Variants in TCAIM observed in about 807,000 individuals in gnomAD.
The protein encoded by TCAIM is T-cell activation inhibitor, mitochondrial.
In TCAIM, 36 loss-of-function variants were observed where a neutral mutation model predicts 58.6. The ratio of observed to expected loss-of-function variants is 0.61; its 90% CI spans 0.47 to 0.81. The LOEUF (loss-of-function observed/expected upper bound fraction) is 0.81, where lower values mean the gene tolerates loss of function less well. Among genes scored for constraint, TCAIM ranks in the 30% least tolerant of loss-of-function variants. TCAIM has a pLI of 0.00. For synonymous variants in TCAIM, 172 were observed against 193.6 expected (o/e 0.89, Z 0.93); for missense variants, 466 against 579.6 (o/e 0.80, Z 2.01).
intron 4 of TCAIM, among the ~76,000 whole-genome samples, chr3:44,361,926 A>G (rs1287307587): frequency 6.6e-6 from 1 of 152,208 alleles, no homozygotes; most frequent in Admixed American, 6.5e-5. Flanking sequence ...GAGAAAGAAT[A>G]TGAGTCTTGA....
At chr3:44,366,627 ATT>A (rs11310203) in intron 4 of TCAIM, among the ~76,000 whole-genome samples, 35 of 148,408 alleles carry the variant, frequency 2.4e-4, no homozygotes, top group Admixed American at 2.7e-4. Context: ...CGCCCGGCTA[ATT>A]TTTTTTTTTT....
At chr3:44,385,003 C>G (rs977089242) in intron 5 of TCAIM, among the ~76,000 whole-genome samples, 1 of 152,160 alleles carries the variant, frequency 6.6e-6, no homozygotes, top group Non-Finnish European at 1.5e-5. Context: ...TGTGGAGAAA[C>G]AAGTCAGCCA....
intron 4 of TCAIM, chr3:44,363,049 A>C (rs1311196156): frequency 6.6e-6 from 1 of 152,158 alleles, no homozygotes; most frequent in Non-Finnish European, 1.5e-5. Context: ...ATCTGTTTTT[A>C]TTTGTATGTG....
At chr3:44,400,749 C>G (rs1280736286) in intron 9 of TCAIM, 162 bp downstream of exon 9, 1 of 644,294 alleles carries the variant, frequency 1.6e-6, no homozygotes, top group African/African-American at 1.8e-5. Flanking sequence ...ACTAGAAAAG[C>G]CAGCATGGGA....
intron 4 of TCAIM, among the ~76,000 whole-genome samples, chr3:44,364,848 AC>A (rs1314137640): frequency 6.6e-6 from 1 of 151,980 alleles, no homozygotes; most frequent in Non-Finnish European, 1.5e-5. Context: ...TGCTGGTAAT[AC>A]CCATAAATGG....
At chr3:44,344,500 A>C (rs1700924351) in intron 1 of TCAIM, among the ~76,000 whole-genome samples, 1 of 152,170 alleles carries the variant, frequency 6.6e-6, no homozygotes, top group African/African-American at 2.4e-5. Flanking sequence ...CAACATCAAG[A>C]TGTCTGCAGA....
At chr3:44,368,142 A>G (rs1701411173) in intron 5 of TCAIM, among the ~76,000 whole-genome samples, 2 of 152,232 alleles carry the variant, frequency 1.3e-5, no homozygotes, top group African/African-American at 4.8e-5. Flanking sequence ...ATCCATACAT[A>G]AGAAAAATAC....
chr3:44,344,539 T>A, intron 1 of TCAIM, among the ~76,000 whole-genome samples: 1 of 152,040 alleles, frequency 6.6e-6, no homozygotes, highest in Admixed American at 6.5e-5. Flanking sequence ...CTTCACATGG[T>A]AGGGGGCAAG....
intron 1 of TCAIM, among the ~76,000 whole-genome samples, chr3:44,347,511 T>A (rs1052791302): frequency 6.6e-6 from 1 of 152,058 alleles, no homozygotes; most frequent in Admixed American, 6.5e-5. Flanking sequence ...AAGCATGTTT[T>A]GAGATCCAGA....
chr3:44,345,760 TG>T (rs1396049772), intron 1 of TCAIM, among the ~76,000 whole-genome samples: 1 of 152,100 alleles, frequency 6.6e-6, no homozygotes, highest in Non-Finnish European at 1.5e-5. Flanking sequence ...GTGAAAGTAT[TG>T]GAGTGTACCC....
chr3:44,393,983 G>C (rs1375443263), intron 6 of TCAIM, among the ~76,000 whole-genome samples: 1 of 152,304 alleles, frequency 6.6e-6, no homozygotes, highest in East Asian at 1.9e-4. Context: ...AAAGGAGTCA[G>C]GTCATTCAGT....
chr3:44,407,087 T>C (rs771902005), intron 10 of TCAIM, among the ~76,000 whole-genome samples: 3 of 152,218 alleles, frequency 2.0e-5, no homozygotes, highest in Non-Finnish European at 4.4e-5. Context: ...TTTAGGTGGG[T>C]CCTAAAACTA....
chr3:44,358,380 A>G (rs907896085), intron 3 of TCAIM: 1 of 655,802 alleles, frequency 1.5e-6, no homozygotes, highest in Non-Finnish European at 2.6e-6. Flanking sequence ...ATATTTTAAC[A>G]TTAGAAAATA....
chr3:44,379,293 C>T (rs934693396), intron 5 of TCAIM, among the ~76,000 whole-genome samples: 1 of 152,052 alleles, frequency 6.6e-6, no homozygotes, highest in African/African-American at 2.4e-5. Flanking sequence ...TTAGTTAAAC[C>T]ATCGTGGAAA....
At chr3:44,362,426 A>G (rs1701308009) in intron 4 of TCAIM, 1 of 400,974 alleles carries the variant, frequency 2.5e-6, no homozygotes, top group East Asian at 3.6e-5. Flanking sequence ...TCAGGACTTC[A>G]AATGGAAGGA....
At chr3:44,352,799 C>A (rs987294891) in intron 1 of TCAIM, among the ~76,000 whole-genome samples, 1 of 152,114 alleles carries the variant, frequency 6.6e-6, no homozygotes, top group African/African-American at 2.4e-5. Flanking sequence ...CCCTCCCTAT[C>A]GATTAACCAC....
At chr3:44,379,989 G>A (rs897301190) in intron 5 of TCAIM, among the ~76,000 whole-genome samples, 7 of 152,014 alleles carry the variant, frequency 4.6e-5, no homozygotes, top group Admixed American at 6.6e-5. Flanking sequence ...CGAGACCTCC[G>A]TGACATGAGT....
At chr3:44,405,951 CA>C (rs10579882) in intron 10 of TCAIM, among the ~76,000 whole-genome samples, 66,731 of 112,570 alleles carry the variant, frequency 0.59, 18,761 homozygotes, top group East Asian at 0.94. Context: ...GACTCCATCT[CA>C]AAAAAAAAAA....
At chr3:44,343,086 G>A (rs529459433) in intron 1 of TCAIM, among the ~76,000 whole-genome samples, 3 of 151,930 alleles carry the variant, frequency 2.0e-5, no homozygotes, top group South Asian at 2.1e-4. Flanking sequence ...GCAGTGAGCC[G>A]AGATCATGCC....
Sources: gnomAD v4.1 joint callset for allele counts (sites outside exome capture counted in the v4.1 genomes callset) on GRCh38, gnomAD v4.1.1 for gene constraint, MANE v1.5 for transcripts, NCBI Gene and HGNC (gene_info 2026-07-23, HGNC 2026-07-21) for gene names.